KCP: variants seen among roughly 807,000 people sequenced by gnomAD.
The protein encoded by KCP is kielin/chordin-like protein.
Under a neutral mutation model 212.7 loss-of-function variants are expected in KCP, and 194 were observed. The ratio of observed to expected loss-of-function variants is 0.91; its 90% CI spans 0.81 to 1.03. The LOEUF (loss-of-function observed/expected upper bound fraction) is 1.03. KCP is among the 50% of genes least tolerant of loss of function. The probability of loss-of-function intolerance (pLI) is 0.00; values close to 1 mark genes in which losing one functional copy is unlikely to be tolerated. For synonymous variants in KCP, 833 were observed against 865.3 expected, an observed-to-expected ratio of 0.96 and a Z score of 0.65; for missense variants, 2,080 against 2,162.5, an observed-to-expected ratio of 0.96 and a Z score of 0.76.
In KCP at chr7:128,879,939, G is replaced by A; in HGVS notation, c.3906C>T (p.Ala1302=). The change falls in exon 35 of 40, where the codon GCC becomes GCT. Residue 1302 remains alanine, a synonymous_variant. Coordinates refer to ENST00000610776, the MANE Select transcript of KCP (RefSeq NM_001366122.1). ...HFQGSCSYVL[A]KDCHSGDFSV... ...TGAAGTCCCCGCTGTGGCAGTCCTT[G>A]GCCAGCACATAGCTGCAACTGCCCT... is the stretch of plus-strand genomic sequence containing the variant. 2 of 1,551,042 alleles carry A rather than the reference G, an allele frequency of 1.3e-6. No individual in the cohort carries two copies. The highest frequency in any genetic ancestry group is 8.7e-7 in the Non-Finnish European group (1 of 1,146,976).
At chr7:128,887,011 TC>T in intron 23 of KCP, 45 bp from the exon 24 acceptor site, 2 of 1,125,716 alleles carry the variant, frequency 1.8e-6, no homozygotes, top group East Asian at 2.6e-5. Flanking sequence ...ACTGCACATT[TC>T]CCCAGGGCTG....
At position 128,890,378 on chromosome 7, in the gene KCP, AAGGGGCACAGTGC is replaced by A. The variant is rs1161739274; in HGVS notation, c.2287_2299del (p.Ala763SerfsTer22). 16 of 1,551,300 alleles carry A rather than the reference AAGGGGCACAGTGC, an allele frequency of 1.0e-5. No individual in the cohort carries two copies. The highest frequency in any genetic ancestry group is 1.7e-4 in the Middle Eastern group (1 of 5,992). On this transcript the variant is annotated frameshift_variant, in exon 21 of 40. Transcript: ENST00000610776. LOFTEE classifies it high-confidence loss of function. ...AGGGCAGCAGTCGCCCCTGGCAGGGAAGGGGCACAGTGCAGGGGCACATGCCTTGGGCTCGCAG... is the reference window on the plus strand; with the variant it reads ...AGGGCAGCAGTCGCCCCTGGCAGGGAAGGGGCACATGCCTTGGGCTCGCAG...
chr7:128,908,159 AAG>A (rs141841849), intron 2 of KCP, among the ~76,000 whole-genome samples: 1 of 131,966 alleles, frequency 7.6e-6, no homozygotes, highest in African/African-American at 3.1e-5. Context: ...GAGAGAGAGA[AAG>A]AGAGAAGAAG....
intron 22 of KCP, among the ~76,000 whole-genome samples, chr7:128,888,456 A>T (rs961988459): frequency 1.3e-5 from 2 of 151,842 alleles, no homozygotes; most frequent in Non-Finnish European, 2.9e-5. Context: ...GGCCACACAC[A>T]CACAGAGCAA....
In KCP at chr7:128,910,585, C is replaced by A; in HGVS notation, c.76+16G>T. ...CGCACCTGGCCGGACCCCAAGCCTCCCGCACCTGGACTCACCTTCCGCGCC... is the reference window on the plus strand; with the variant it reads ...CGCACCTGGCCGGACCCCAAGCCTCACGCACCTGGACTCACCTTCCGCGCC... On this transcript the variant is annotated intron_variant, in intron 1 of 39. Transcript: ENST00000610776. 6.6e-6 allele frequency: 10 copies of A among 1,511,264 alleles called. No individual in the cohort carries two copies. The highest frequency in any genetic ancestry group is 8.8e-6 in the Non-Finnish European group (10 of 1,137,000). 93.6% of individuals were successfully genotyped at this position (1,511,264 alleles called of 1,614,324 possible). A position where few individuals can be genotyped will look rare whatever the true frequency, so the allele number is the denominator to read the frequency against.
Position 128,888,162 on chromosome 7 carries a change from CCACACAAACACACATATA to C in KCP, c.2512+683_2512+700del, listed in dbSNP as rs578104891. On this transcript the variant is annotated intron_variant, in intron 22 of 39. Transcript: ENST00000610776. ...CACAGGGCCACACACACATACACAGCCACACAAACACACATATACACACAGTCACACATACACACACAG... is the reference window on the plus strand; with the variant it reads ...CACAGGGCCACACACACATACACAGCCACACAGTCACACATACACACACAG... 2.1e-3 allele frequency among the ~76,000 whole-genome samples: 259 copies of C among 124,198 alleles called. 1 individual carries two copies. Among genetic ancestry groups the C allele is most frequent in the Admixed American group, 0.019 (247 of 12,670 alleles). 81.5% of individuals were successfully genotyped at this position (124,198 alleles called of 152,430 possible). A position where few individuals can be genotyped will look rare whatever the true frequency, so the allele number is the denominator to read the frequency against.
chr7:128,884,916 C>T (rs929954663), intron 27 of KCP, 53 bp from the exon 28 acceptor site: 105 of 1,529,568 alleles, frequency 6.9e-5, no homozygotes, highest in Middle Eastern at 1.7e-4. Context: ...AGGCTGGCAG[C>T]GAGGCAGGGG....
chr7:128,891,183 A>G lies in KCP; in HGVS notation c.1972+2T>C. 1.3e-6 allele frequency: 2 copies of G among 1,542,664 alleles called. No individual in the cohort carries two copies. The highest frequency in any genetic ancestry group is 1.7e-6 in the Non-Finnish European group (2 of 1,146,430). On this transcript the variant is annotated splice_donor_variant, in intron 19 of 39. Transcript: ENST00000610776. LOFTEE classifies it high-confidence loss of function. ...GGAGCAGCCGAGGGGTGCGGCCCCT[A>G]CCTGGGCACTGCGGGCAGCACTCTC...
chr7:128,884,657 G>T, intron 28 of KCP, 124 bp downstream of exon 28: 1 of 878,266 alleles, frequency 1.1e-6, no homozygotes, highest in Non-Finnish European at 1.8e-6. Flanking sequence ...TGGCCACAGG[G>T]ATACACTCCT....
At position 128,888,805 on chromosome 7, in the gene KCP, T is replaced by C. The variant is rs565527233; in HGVS notation, c.2512+58A>G. The C allele has an allele frequency of 1.9e-5, 28 of 1,486,114 alleles. No individual in the cohort carries two copies. The African/African-American group carries it at 2.1e-4, about 11-fold the overall frequency. The allele number at this position is 1,486,114 out of a possible 1,614,324, so 92.1% of individuals were successfully genotyped here. A position where few individuals can be genotyped will look rare whatever the true frequency, so the allele number is the denominator to read the frequency against. On this transcript the variant is annotated intron_variant, in intron 22 of 39. Transcript: ENST00000610776. The stretch of plus-strand genomic sequence containing the variant: ...AGGGCTGGGAGGAAAGTGGAATCGG[T>C]GAGAAAGGCACCCCGGGAGCCCCAG...
rs1793256749 is a variant in KCP, at chr7:128,880,390, C to A, written c.3755G>T (p.Gly1252Val). The change falls in exon 34 of 40, where the codon GGC (glycine) becomes GTC (valine). Residue 1252 changes from glycine to valine, a missense_variant. Transcript: ENST00000610776. ...ATTTTAGATTGCGGCACTCACGGGG[C>A]CACACGAGAGCGGTGAGCAGCGCTG... ...QSQRCSPLSC[G>V]PDKAPALSPG... is the part of the protein sequence containing the mutation. The A allele has an allele frequency of 2.0e-6, 3 of 1,529,224 alleles. No homozygotes were observed. The highest frequency in any genetic ancestry group is 1.8e-6 in the Non-Finnish European group (2 of 1,134,902). The allele number at this position is 1,529,224 out of a possible 1,614,324, so 94.7% of individuals were successfully genotyped here.
intron 29 of KCP, among the ~76,000 whole-genome samples, chr7:128,883,722 T>G (rs992844010): frequency 6.6e-6 from 1 of 152,218 alleles, no homozygotes. Flanking sequence ...GGCTACCCCC[T>G]GCCTGCCTGG....
At position 128,904,366 on chromosome 7, in the gene KCP, C is replaced by T. The variant is rs1300887266; in HGVS notation, c.572-228G>A. 10 of 1,551,510 alleles carry T rather than the reference C, an allele frequency of 6.4e-6. No homozygotes were observed. In the South Asian group the frequency reaches 1.2e-4, roughly 18 times the overall value. The stretch of plus-strand genomic sequence containing the variant: ...GCTCTGAACACGAGGGCCCCTGGCA[C>T]TGCACGGCTCCTGTCTGCAGGGCAG... On this transcript the variant is annotated intron_variant, in intron 5 of 39. Transcript: ENST00000610776.
intron 19 of KCP, 25 bp from the exon 20 acceptor site, chr7:128,891,121 G>A: frequency 6.6e-7 from 1 of 1,510,128 alleles, no homozygotes. Context: ...CGCATCAAAG[G>A]GGCCCAGGAA....
In KCP at chr7:128,879,603, G is replaced by A. The variant is rs1410765588; in HGVS notation, c.4065C>T (p.Ala1355=). The change falls in exon 37 of 40, where the codon GCC becomes GCT. Residue 1355 remains alanine, a synonymous_variant. Coordinates refer to ENST00000610776, the MANE Select transcript of KCP (RefSeq NM_001366122.1). ...GAVTVDGHPV[A]LPFLQEPLLY... ...GCAGCGGCTCCTGCAGGAAGGGCAA[G>A]GCCACCGGGTGCCCATCCACCTGGA... 1.3e-6 allele frequency: 2 copies of A among 1,550,542 alleles called. No homozygotes were observed. Among genetic ancestry groups the A allele is most frequent in the East Asian group, 2.4e-5 (1 of 40,924 alleles).
chr7:128,894,113 C>T, intron 9 of KCP, 58 bp from the exon 10 acceptor site: 2 of 1,523,600 alleles, frequency 1.3e-6, no homozygotes, highest in Middle Eastern at 2.1e-4. Context: ...CCTCTCCTGG[C>T]CTTCATGGGC....
intron 8 of KCP, among the ~76,000 whole-genome samples, chr7:128,900,151 C>T (rs751920022): frequency 2.8e-4 from 43 of 152,112 alleles, no homozygotes; most frequent in Non-Finnish European, 5.3e-4. Context: ...TTTCAAAGAG[C>T]TTATATAAAA....
At position 128,886,914 on chromosome 7, in the gene KCP, T is replaced by C; in HGVS notation, c.2651A>G (p.His884Arg). The C allele has an allele frequency of 1.4e-6, 2 of 1,404,128 alleles. No individual in the cohort carries two copies. The highest frequency in any genetic ancestry group is 1.9e-6 in the Non-Finnish European group (2 of 1,052,628). The allele number at this position is 1,404,128 out of a possible 1,614,324, so 87.0% of individuals were successfully genotyped here. ...GCAGAAGCAGGGGCCTGGAGAGGGG[T>C]GGGGGCAGAGAGCTGGGGGACATGG... Reference protein sequence around the residue: ...KKPCPPALCPHPSPGPCFCPV... With the variant: ...KKPCPPALCPRPSPGPCFCPV... The change falls in exon 24 of 40, where the codon CAC becomes CGC. Residue 884 changes from histidine (H) to arginine (R), a missense_variant. Transcript: ENST00000610776.
In KCP at chr7:128,879,518, G is replaced by T. The variant is rs1225423959; in HGVS notation, c.4146+4C>A. The T allele has an allele frequency of 1.9e-6, 3 of 1,547,776 alleles. No homozygotes were observed. The highest frequency in any genetic ancestry group is 2.4e-5 in the South Asian group (2 of 83,904). ...GCCCACCCAGACTCGCCCTGGAGCC[G>T]CACCTGGAGCCCGGGCTGGGCGTGC... is the stretch of plus-strand genomic sequence containing the variant. On this transcript the variant is annotated splice_donor_region_variant and intron_variant, in intron 37 of 39. Coordinates refer to ENST00000610776, the MANE Select transcript of KCP (RefSeq NM_001366122.1).
Sources: gnomAD v4.1 joint callset for allele counts (sites outside exome capture counted in the v4.1 genomes callset) on GRCh38, gnomAD v4.1.1 for gene constraint, MANE v1.5 for transcripts, NCBI Gene and HGNC (gene_info 2026-07-23, HGNC 2026-07-21) for gene names.